Variants in GTF2H3 observed in about 807,000 individuals in gnomAD.
GTF2H3 encodes the protein general transcription factor IIH subunit 3.
A neutral mutation model predicts 51.1 loss-of-function variants in GTF2H3; 42 were observed. The observed-to-expected ratio is 0.82, with a 90% confidence interval of 0.64 to 1.06. GTF2H3 has a LOEUF of 1.06. Ranked by LOEUF, GTF2H3 falls within the 50% of genes least tolerant of loss-of-function variation. The probability of loss-of-function intolerance (pLI) is 0.00; values close to 1 mark genes in which losing one functional copy is unlikely to be tolerated. For synonymous variants in GTF2H3, 123 were observed against 123.8 expected, an observed-to-expected ratio of 0.99 and a Z score of 0.04; for missense variants, 326 against 366.1, an observed-to-expected ratio of 0.89 and a Z score of 0.89.
chr12:123,660,018 ATTGT>A, intron 11 of GTF2H3, 24 bp from the exon 12 acceptor site: 2 of 1,584,452 alleles, frequency 1.3e-6, no homozygotes, highest in South Asian at 1.2e-5. Flanking sequence ...CAGCCACCCT[ATTGT>A]TTCTTTTTTT....
intron 4 of GTF2H3, chr12:123,650,623 G>T: frequency 5.0e-6 from 1 of 198,422 alleles, no homozygotes; most frequent in South Asian, 9.2e-5. Context: ...TAAGTGTACA[G>T]TTCAGTAATG....
chr12:123,646,255 C>A (rs11572956), intron 3 of GTF2H3, among the ~76,000 whole-genome samples: 2,898 of 135,814 alleles, frequency 0.021, 39 homozygotes, highest in South Asian at 0.036. Context: ...TCTTCTATGT[C>A]TTTTTTTTTT....
intron 9 of GTF2H3, among the ~76,000 whole-genome samples, chr12:123,658,053 T>TTTTTA (rs918026829): frequency 1.4e-4 from 21 of 152,112 alleles, no homozygotes; most frequent in Admixed American, 4.6e-4. Flanking sequence ...AAGAGTTTTA[T>TTTTTA]TTTTATTTTA....
intron 9 of GTF2H3, 85 bp downstream of exon 9, chr12:123,655,909 G>T (rs1220029015): frequency 1.2e-5 from 10 of 805,290 alleles, no homozygotes; most frequent in South Asian, 3.4e-5. Flanking sequence ...GAAAGCTTTG[G>T]GTATATTGGG....
chr12:123,640,283 A>AT (rs1480230039), intron 2 of GTF2H3, among the ~76,000 whole-genome samples: 9 of 144,796 alleles, frequency 6.2e-5, no homozygotes, highest in Admixed American at 4.1e-4. Context: ...GATTTTCTAG[A>AT]TTTTTTTCAT....
In GTF2H3 at chr12:123,645,443, T is replaced by A. The variant is rs753398252; in HGVS notation, c.94-12T>A. On this transcript the variant is annotated splice_polypyrimidine_tract_variant and intron_variant, in intron 2 of 12. Coordinates refer to ENST00000543341, the MANE Select transcript of GTF2H3 (RefSeq NM_001516.5). ...CTAATTTGTTTTTCTAATGTCTTTTTTTTTCCAACAGTTCACTTTATCCAA... is the reference window on the plus strand; with the variant it reads ...CTAATTTGTTTTTCTAATGTCTTTTATTTTCCAACAGTTCACTTTATCCAA... The A allele has an allele frequency of 1.4e-6, 2 of 1,437,956 alleles. No homozygotes were observed. The highest frequency in any genetic ancestry group is 2.3e-5 in the South Asian group (2 of 86,412). The allele number at this position is 1,437,956 out of a possible 1,614,324, so 89.1% of individuals were successfully genotyped here.
chr12:123,637,775 T>C (rs1400538659), intron 1 of GTF2H3, among the ~76,000 whole-genome samples: 3 of 152,114 alleles, frequency 2.0e-5, no homozygotes, highest in African/African-American at 7.2e-5. Context: ...AGGGCTGGGA[T>C]GGGCGCCCAG....
At chr12:123,654,366 T>C (rs1955558225) in intron 7 of GTF2H3, among the ~76,000 whole-genome samples, 1 of 151,734 alleles carries the variant, frequency 6.6e-6, no homozygotes, top group Non-Finnish European at 1.5e-5. Flanking sequence ...GTGTGTACTT[T>C]TGGGGTACGT....
chr12:123,645,176 T>A (rs1593800525), intron 2 of GTF2H3, among the ~76,000 whole-genome samples: 1 of 152,336 alleles, frequency 6.6e-6, no homozygotes, highest in East Asian at 1.9e-4. Context: ...GCTTAAGCGA[T>A]CCTGCCACCT....
intron 4 of GTF2H3, 66 bp from the exon 5 acceptor site, chr12:123,650,928 C>T (rs760914952): frequency 9.9e-5 from 96 of 972,460 alleles, no homozygotes; most frequent in Non-Finnish European, 1.5e-4. Context: ...TTCAATAAAG[C>T]ACCCAATGAT....
Position 123,645,489 on chromosome 12 carries a change from T to C in GTF2H3, c.128T>C (p.Val43Ala). 6.2e-7 allele frequency: 1 copy of C among 1,609,216 alleles called. No individual in the cohort carries two copies. Among genetic ancestry groups the C allele is most frequent in the Non-Finnish European group, 8.5e-7 (1 of 1,175,568 alleles). Residue 43 changes from valine to alanine, a missense_variant, in exon 3 of 13, where the codon GTG (valine) becomes GCG (alanine). Val to Ala is a moderately conservative substitution (Grantham distance 64). Coordinates refer to ENST00000543341, the MANE Select transcript of GTF2H3 (RefSeq NM_001516.5). ...TCCAAATGCATAGATGCCGTGATGG[T>C]GCTGGGAAATTCGCATTTATTCATG... ...TLSKCIDAVMVLGNSHLFMNR... is the reference protein window; with the variant it reads ...TLSKCIDAVMALGNSHLFMNR...
chr12:123,650,911 T>C (rs573206218), intron 4 of GTF2H3, 83 bp from the exon 5 acceptor site: 232 of 820,890 alleles, frequency 2.8e-4, no homozygotes, highest in South Asian at 4.1e-4. Flanking sequence ...TGTGAAAGCA[T>C]ACTTAGTTCA....
At chr12:123,659,761 A>G (rs762314613) in intron 10 of GTF2H3, 34 bp from the exon 11 acceptor site, 2 of 1,599,164 alleles carry the variant, frequency 1.3e-6, no homozygotes, top group African/African-American at 2.7e-5. Flanking sequence ...CCCATGTTTT[A>G]AATAAAAGTT....
In GTF2H3 at chr12:123,648,047, G is replaced by T. The variant is rs141702842; in HGVS notation, c.285G>T (p.Gly95=). 1.2e-6 allele frequency: 2 copies of T among 1,611,708 alleles called. No homozygotes were observed. Among genetic ancestry groups the T allele is most frequent in the Non-Finnish European group, 1.7e-6 (2 of 1,177,836 alleles). The change falls in exon 4 of 13, where the codon GGG becomes GGT. Residue 95 remains glycine (G), a synonymous_variant. Transcript: ENST00000543341. ...PGNPPEFNPS[G]SKDGKYELLT... ...ACCCTCCTGAATTTAATCCCTCTGG[G>T]AGTAAAGATGGAAAATACGAACTTT...
chr12:123,648,286 T>C, intron 4 of GTF2H3, 160 bp downstream of exon 4: 1 of 530,818 alleles, frequency 1.9e-6, no homozygotes, highest in East Asian at 3.3e-5. Flanking sequence ...TTGCCTAGCC[T>C]CTACAGCATT....
chr12:123,659,347 A>G, intron 9 of GTF2H3, 169 bp from the exon 10 acceptor site: 1 of 622,648 alleles, frequency 1.6e-6, no homozygotes, highest in South Asian at 1.7e-5. Flanking sequence ...AGCCTGGGCG[A>G]CAGAGCAAGA....
At position 123,639,509 on chromosome 12, in the gene GTF2H3, C is replaced by T. The variant is rs562342735; in HGVS notation, c.93+166C>T. ...TAAATTTGCGAAGTTGTGTAACCAG[C>T]CCCACATTTCTGCTTTAGAATATTT... On this transcript the variant is annotated intron_variant, in intron 2 of 12. Coordinates refer to ENST00000543341, the MANE Select transcript of GTF2H3 (RefSeq NM_001516.5). 5.8e-4 allele frequency among the ~76,000 whole-genome samples: 88 copies of T among 152,242 alleles called. 1 individual carries two copies. The South Asian group carries it at 0.017, about 29-fold the overall frequency.
At chr12:123,634,432 C>A (rs142802285) in intron 1 of GTF2H3, among the ~76,000 whole-genome samples, 370 of 152,212 alleles carry the variant, frequency 2.4e-3, no homozygotes, top group African/African-American at 8.1e-3. Context: ...CAGGGCATGA[C>A]CTCGTCAATA....
rs188662652 is a variant in GTF2H3, at chr12:123,647,984, G to A, written c.222G>A (p.Lys74=). The change falls in exon 4 of 13, where the codon AAG becomes AAA. Residue 74 remains lysine (K), a synonymous_variant. Coordinates refer to ENST00000543341, the MANE Select transcript of GTF2H3 (RefSeq NM_001516.5). ...IQESRFLYPG[K]NGRLGDFFGD... ...TCAGCCGATTCTTATATCCTGGAAA[G>A]AATGGCAGACTTGGAGACTTCTTCG... The A allele has an allele frequency of 1.2e-6, 2 of 1,613,760 alleles. No individual in the cohort carries two copies. Among genetic ancestry groups the A allele is most frequent in the Non-Finnish European group, 1.7e-6 (2 of 1,179,868 alleles).
Sources: allele counts gnomAD v4.1 joint callset (sites outside exome capture counted in the v4.1 genomes callset), GRCh38; gene constraint gnomAD v4.1.1; transcripts MANE v1.5; gene names NCBI Gene and HGNC (gene_info 2026-07-23, HGNC 2026-07-21).